Variants in CCSER1 observed in about 807,000 individuals in gnomAD.
CCSER1 encodes the protein serine-rich coiled-coil domain-containing protein 1.
In CCSER1, 41 loss-of-function variants were observed where a neutral mutation model predicts 82.0. The ratio of observed to expected loss-of-function variants is 0.50; its 90% confidence interval spans 0.39 to 0.65. The LOEUF (loss-of-function observed/expected upper bound fraction) is 0.65. CCSER1 is among the 30% of genes least tolerant of loss of function. CCSER1 has a pLI of 0.00. For missense variants in CCSER1, 1,119 were observed against 1,064.2 expected (o/e 1.05, Z -0.72); for synonymous variants, 414 against 383.9 (o/e 1.08, Z -0.92).
intron 8 of CCSER1, among the ~76,000 whole-genome samples, chr4:90,843,020 G>A (rs1230325965): frequency 1.3e-5 from 2 of 152,140 alleles, no homozygotes; most frequent in South Asian, 2.1e-4. Flanking sequence ...TGAAGGGGAT[G>A]ACATCTCTTG....
chr4:90,832,683 G>A (rs1379016434), intron 8 of CCSER1, among the ~76,000 whole-genome samples: 1 of 152,068 alleles, frequency 6.6e-6, no homozygotes, highest in East Asian at 1.9e-4. Flanking sequence ...AATTAGAAAT[G>A]TTTGACAATT....
intron 6 of CCSER1, among the ~76,000 whole-genome samples, chr4:90,667,383 G>T (rs1812226): frequency 0.46 from 69,680 of 151,842 alleles, 16,380 homozygotes; most frequent in Middle Eastern, 0.59. Context: ...TGGGATACAT[G>T]TGCAGAACAT....
chr4:91,154,723 A>G (rs1730628346), intron 10 of CCSER1, among the ~76,000 whole-genome samples: 2 of 152,038 alleles, frequency 1.3e-5, no homozygotes, highest in South Asian at 4.2e-4. Context: ...AACTATGCAT[A>G]TGAGATGAAT....
intron 5 of CCSER1, among the ~76,000 whole-genome samples, chr4:90,545,692 CT>C (rs1368280491): frequency 6.6e-6 from 1 of 152,074 alleles, no homozygotes; most frequent in Non-Finnish European, 1.5e-5. Context: ...AGCGATGCTT[CT>C]TTTTATCCAT....
At chr4:90,382,071 AT>A in intron 3 of CCSER1, among the ~76,000 whole-genome samples, 1 of 152,114 alleles carries the variant, frequency 6.6e-6, no homozygotes, top group African/African-American at 2.4e-5. Flanking sequence ...TTTGTGTCTA[AT>A]TTTTTGAGTG....
intron 1 of CCSER1, among the ~76,000 whole-genome samples, chr4:90,203,357 C>G (rs1738132629): frequency 6.6e-6 from 1 of 152,132 alleles, no homozygotes; most frequent in African/African-American, 2.4e-5. Flanking sequence ...AGCTCCCCAC[C>G]ACCAACAGAC....
intron 10 of CCSER1, among the ~76,000 whole-genome samples, chr4:91,525,593 G>T (rs938147231): frequency 1.3e-5 from 2 of 152,006 alleles, no homozygotes; most frequent in Non-Finnish European, 2.9e-5. Flanking sequence ...TTCCTCTCAC[G>T]CTTTAAGCTA....
chr4:90,153,338 A>G (rs1727282309), intron 1 of CCSER1, among the ~76,000 whole-genome samples: 1 of 152,122 alleles, frequency 6.6e-6, no homozygotes, highest in Admixed American at 6.5e-5. Context: ...TAGTGCCGCA[A>G]TAAACATACA....
At chr4:90,861,440 T>G (rs1352853457) in intron 8 of CCSER1, among the ~76,000 whole-genome samples, 1 of 151,826 alleles carries the variant, frequency 6.6e-6, no homozygotes, top group Non-Finnish European at 1.5e-5. Flanking sequence ...TTATACTTAT[T>G]TTGCTTATTT....
At chr4:90,478,479 G>A (rs568911126) in intron 5 of CCSER1, among the ~76,000 whole-genome samples, 61 of 152,152 alleles carry the variant, frequency 4.0e-4, no homozygotes, top group Admixed American at 3.3e-4. Context: ...ATAAATTAGG[G>A]TTGTAAACTA....
intron 1 of CCSER1, among the ~76,000 whole-genome samples, chr4:90,151,704 G>T (rs565556371): frequency 6.6e-6 from 1 of 152,200 alleles, no homozygotes; most frequent in Admixed American, 6.5e-5. Context: ...CAGTCTAGGA[G>T]ATCATTACAT....
chr4:91,183,312 A>G (rs1406908416), intron 10 of CCSER1, among the ~76,000 whole-genome samples: 3 of 151,872 alleles, frequency 2.0e-5, no homozygotes, highest in Non-Finnish European at 4.4e-5. Flanking sequence ...GAGCTGAAGG[A>G]TAGGACGTCT....
intron 3 of CCSER1, among the ~76,000 whole-genome samples, chr4:90,398,311 G>C (rs180803688): frequency 6.6e-6 from 1 of 152,034 alleles, no homozygotes; most frequent in East Asian, 1.9e-4. Context: ...CTGGGGGTTA[G>C]GATTTTTTAT....
chr4:91,221,908 G>A (rs1431188609), intron 10 of CCSER1, among the ~76,000 whole-genome samples: 1 of 152,006 alleles, frequency 6.6e-6, no homozygotes, highest in Non-Finnish European at 1.5e-5. Flanking sequence ...AAAACATATT[G>A]TCCGAAAGGG....
At chr4:90,868,560 T>C (rs1010750724) in intron 8 of CCSER1, among the ~76,000 whole-genome samples, 2 of 152,070 alleles carry the variant, frequency 1.3e-5, no homozygotes, top group Non-Finnish European at 2.9e-5. Context: ...TGATTAGTAC[T>C]CATTGTGTGT....
At chr4:90,512,154 C>T (rs1771616820) in intron 5 of CCSER1, among the ~76,000 whole-genome samples, 2 of 151,926 alleles carry the variant, frequency 1.3e-5, no homozygotes, top group South Asian at 4.2e-4. Context: ...TTCATGATGT[C>T]ATCTCTAAAA....
intron 8 of CCSER1, among the ~76,000 whole-genome samples, chr4:90,858,394 C>G (rs189180936): frequency 6.6e-6 from 1 of 151,976 alleles, no homozygotes. Context: ...CATACAGACT[C>G]TAATTGCTTT....
chr4:91,140,969 C>T (rs1475628177), intron 10 of CCSER1, among the ~76,000 whole-genome samples: 1 of 152,008 alleles, frequency 6.6e-6, no homozygotes, highest in East Asian at 1.9e-4. Flanking sequence ...CTCCTTCCCT[C>T]CCAGTTTTTA....
intron 10 of CCSER1, among the ~76,000 whole-genome samples, chr4:91,381,468 A>G (rs929481959): frequency 5.9e-5 from 9 of 151,400 alleles, no homozygotes; most frequent in African/African-American, 2.2e-4. Flanking sequence ...TTTTCTGTAA[A>G]CTTTTCTCAC....
Sources: allele counts gnomAD v4.1 joint callset (sites outside exome capture counted in the v4.1 genomes callset), GRCh38; gene constraint gnomAD v4.1.1; transcripts MANE v1.5; gene names NCBI Gene and HGNC (gene_info 2026-07-23, HGNC 2026-07-21).